Variants in MARCHF1 observed in about 807,000 individuals in gnomAD.
MARCHF1 encodes membrane associated ring-CH-type finger 1, also known as E3 ubiquitin-protein ligase MARCHF1.
In MARCHF1, 40 loss-of-function variants were observed where a neutral mutation model predicts 54.2. The observed-to-expected ratio is 0.74, with a 90% CI of 0.57 to 0.96. The LOEUF (loss-of-function observed/expected upper bound fraction) is 0.96. Among genes scored for constraint, MARCHF1 ranks in the 40% least tolerant of loss-of-function variants. The pLI, the probability that MARCHF1 is intolerant of heterozygous loss-of-function variation, is 0.00. For missense variants in MARCHF1, 586 were observed against 656.5 expected, an observed-to-expected ratio of 0.89 and a Z score of 1.17; for synonymous variants, 236 against 236.3, an observed-to-expected ratio of 1.00 and a Z score of 0.01.
At chr4:163,908,717 A>T (rs1365368452) in intron 3 of MARCHF1, among the ~76,000 whole-genome samples, 1 of 152,176 alleles carries the variant, frequency 6.6e-6, no homozygotes, top group African/African-American at 2.4e-5. Flanking sequence ...TTAGAGGACT[A>T]ATGGTGGCCC....
intron 8 of MARCHF1, among the ~76,000 whole-genome samples, chr4:163,563,765 A>T (rs191185067): frequency 6.6e-6 from 1 of 152,320 alleles, no homozygotes; most frequent in African/African-American, 2.4e-5. Context: ...ACATACCACA[A>T]TGCTTGGCAC....
At chr4:163,941,399 G>A (rs975943087) in intron 3 of MARCHF1, among the ~76,000 whole-genome samples, 17 of 152,188 alleles carry the variant, frequency 1.1e-4, no homozygotes, top group South Asian at 2.1e-4. Context: ...ATGAGTAAAC[G>A]TTGAGTCAGG....
intron 9 of MARCHF1, among the ~76,000 whole-genome samples, chr4:163,539,456 T>G (rs1034250671): frequency 6.6e-6 from 1 of 152,234 alleles, no homozygotes; most frequent in African/African-American, 2.4e-5. Flanking sequence ...AGTGTAAATA[T>G]AAGTTTTCAT....
At chr4:164,157,903 C>A (rs1730119351) in intron 1 of MARCHF1, among the ~76,000 whole-genome samples, 1 of 152,076 alleles carries the variant, frequency 6.6e-6, no homozygotes, top group Non-Finnish European at 1.5e-5. Context: ...ACCCAAAATA[C>A]ACATGAAAAA....
chr4:164,360,390 C>G (rs2110922636), intron 1 of MARCHF1, among the ~76,000 whole-genome samples: 2 of 152,194 alleles, frequency 1.3e-5, no homozygotes, highest in Middle Eastern at 3.4e-3. Context: ...TTTGTAGATT[C>G]TTATGTCTCT....
chr4:164,377,771 T>A (rs1488088971), intron 1 of MARCHF1, among the ~76,000 whole-genome samples: 4 of 152,180 alleles, frequency 2.6e-5, no homozygotes, highest in African/African-American at 4.8e-5. Context: ...CCTCAAAATT[T>A]AAAAAACAGA....
chr4:164,149,705 C>T (rs918661037), intron 1 of MARCHF1, among the ~76,000 whole-genome samples: 9 of 152,158 alleles, frequency 5.9e-5, no homozygotes, highest in African/African-American at 2.2e-4. Flanking sequence ...ACCATGAATC[C>T]ACACAGTTTT....
At chr4:164,082,296 A>G (rs544691784) in intron 2 of MARCHF1, among the ~76,000 whole-genome samples, 1 of 152,322 alleles carries the variant, frequency 6.6e-6, no homozygotes, top group Non-Finnish European at 1.5e-5. Flanking sequence ...TGTCCGCAAG[A>G]ACACTAGGGA....
chr4:163,878,503 G>A (rs1463693484), intron 3 of MARCHF1, among the ~76,000 whole-genome samples: 1 of 152,104 alleles, frequency 6.6e-6, no homozygotes, highest in African/African-American at 2.4e-5. Flanking sequence ...CAGGATTTGG[G>A]GAACATTCAG....
intron 3 of MARCHF1, among the ~76,000 whole-genome samples, chr4:163,985,979 G>A (rs990569949): frequency 6.6e-6 from 1 of 152,016 alleles, no homozygotes; most frequent in Admixed American, 6.6e-5. Context: ...ACAGATGTAT[G>A]CTGTTTAATT....
intron 5 of MARCHF1, among the ~76,000 whole-genome samples, chr4:163,637,505 C>T (rs1435532571): frequency 6.6e-6 from 1 of 152,152 alleles, no homozygotes; most frequent in Non-Finnish European, 1.5e-5. Context: ...CTCATCATCA[C>T]TGGCCATCAG....
At chr4:163,693,111 T>C (rs1247196780) in intron 5 of MARCHF1, among the ~76,000 whole-genome samples, 1 of 151,366 alleles carries the variant, frequency 6.6e-6, no homozygotes, top group Non-Finnish European at 1.5e-5. Context: ...GTATTTATGA[T>C]ATCATCAGGT....
intron 1 of MARCHF1, among the ~76,000 whole-genome samples, chr4:164,330,611 A>T (rs1161948926): frequency 1.3e-5 from 2 of 152,212 alleles, no homozygotes; most frequent in Non-Finnish European, 2.9e-5. Flanking sequence ...AAAGCCAAAC[A>T]TGATGATGTA....
intron 1 of MARCHF1, among the ~76,000 whole-genome samples, chr4:164,208,166 C>T (rs1731666197): frequency 6.6e-6 from 1 of 152,098 alleles, no homozygotes; most frequent in African/African-American, 2.4e-5. Context: ...ATAAAGGAAG[C>T]TTGAGAAGGG....
chr4:164,023,620 C>A, intron 2 of MARCHF1, among the ~76,000 whole-genome samples: 1 of 152,122 alleles, frequency 6.6e-6, no homozygotes, highest in Non-Finnish European at 1.5e-5. Context: ...TTAAAAAGAA[C>A]ACCAGCCCTC....
chr4:163,988,192 G>A (rs1419228968), intron 3 of MARCHF1, among the ~76,000 whole-genome samples: 1 of 152,144 alleles, frequency 6.6e-6, no homozygotes, highest in Non-Finnish European at 1.5e-5. Flanking sequence ...ACCCAAAACA[G>A]CCGGTTGTAA....
At chr4:163,986,756 A>C (rs1752878818) in intron 3 of MARCHF1, among the ~76,000 whole-genome samples, 1 of 152,216 alleles carries the variant, frequency 6.6e-6, no homozygotes, top group Non-Finnish European at 1.5e-5. Context: ...GAATAATTTC[A>C]TTATTATTTC....
At chr4:164,049,533 C>T (rs1237349429) in intron 2 of MARCHF1, among the ~76,000 whole-genome samples, 2 of 152,070 alleles carry the variant, frequency 1.3e-5, no homozygotes, top group African/African-American at 4.8e-5. Flanking sequence ...CTAAACTGTT[C>T]ATGGCTGATA....
intron 1 of MARCHF1, among the ~76,000 whole-genome samples, chr4:164,269,723 TTGTC>T (rs1330797479): frequency 2.6e-5 from 4 of 152,044 alleles, no homozygotes; most frequent in African/African-American, 9.7e-5. Context: ...ACCTGTAAAA[TTGTC>T]TGAGCAACCA....
Sources: allele counts gnomAD v4.1 joint callset (sites outside exome capture counted in the v4.1 genomes callset), GRCh38; gene constraint gnomAD v4.1.1; transcripts MANE v1.5; gene names NCBI Gene and HGNC (gene_info 2026-07-23, HGNC 2026-07-21).